Variants in ACOX3 observed in about 807,000 individuals in gnomAD.
ACOX3 encodes the protein acyl-CoA oxidase 3, pristanoyl.
ACOX3 carries 73 observed loss-of-function variants against 81.5 expected under a neutral mutation model. The ratio of observed to expected loss-of-function variants is 0.90; its 90% CI spans 0.74 to 1.09. The LOEUF (loss-of-function observed/expected upper bound fraction) is 1.09. Ranked by LOEUF, ACOX3 falls within the 50% of genes least tolerant of loss-of-function variation. The probability of loss-of-function intolerance (pLI) is 0.00; values close to 1 mark genes in which losing one functional copy is unlikely to be tolerated. For synonymous variants in ACOX3, 387 were observed against 375.1 expected (o/e 1.03, Z -0.37); for missense variants, 947 against 928.0 (o/e 1.02, Z -0.27).
At chr4:8,376,966 G>T (rs1217400145) in intron 14 of ACOX3, among the ~76,000 whole-genome samples, 1 of 152,064 alleles carries the variant, frequency 6.6e-6, no homozygotes, top group African/African-American at 2.4e-5. Context: ...ACAGGCCTGT[G>T]GGGGAGCTGC....
intron 1 of ACOX3, among the ~76,000 whole-genome samples, chr4:8,425,246 C>G (rs988148073): frequency 6.6e-6 from 1 of 152,010 alleles, no homozygotes; most frequent in Admixed American, 6.6e-5. Context: ...GCCAAAAGAG[C>G]CGCAAGGTGG....
chr4:8,357,218 CTAACACGTT>C, the ACOX3 span: 1 of 456,646 alleles, frequency 2.2e-6, no homozygotes, highest in Non-Finnish European at 4.4e-6. Context: ...ACAGTGCACA[CTAACACGTT>C]CCCAGCAGCT....
chr4:8,370,976 C>G lies in ACOX3; in HGVS notation c.1915G>C (p.Ala639Pro). ...LCSQLKDDAV[A>P]LVDVIAPPDF... ...GGAGGAGCGATCACGTCTACCAGGG[C>G]AACTGCATCGTCTTTCAGCTGTTGG... is the stretch of plus-strand genomic sequence containing the variant. Residue 639 changes from alanine to proline, a missense_variant, in exon 17 of 18, where the codon GCC (alanine) becomes CCC (proline). By Grantham distance (27) the Ala-to-Pro change is conservative. Transcript: ENST00000356406. This position sits in a 1 kb window ranked among gnomAD's most constrained non-coding sequence, Gnocchi z 6.3. The G allele has an allele frequency of 6.2e-7, 1 of 1,614,128 alleles. No individual in the cohort carries two copies. The highest frequency in any genetic ancestry group is 8.5e-7 in the Non-Finnish European group (1 of 1,180,022).
In ACOX3 at chr4:8,393,522, TAA is replaced by T. The variant is rs1048560079; in HGVS notation, c.1180-1071_1180-1070del. Among the ~76,000 whole-genome samples, 52 of 145,748 alleles carry T rather than the reference TAA, an allele frequency of 3.6e-4. 1 individual carries two copies. Among genetic ancestry groups the T allele is most frequent in the African/African-American group, 1.4e-3 (52 of 37,690 alleles). On this transcript the variant is annotated intron_variant, in intron 10 of 17. Coordinates refer to ENST00000356406, the MANE Select transcript of ACOX3 (RefSeq NM_003501.3). ...ACAAACAAACAAACAAACAAAAACT[TAA>T]GAGACTGATTCAGAGTAAAAGAAGA...
chr4:8,376,803 G>A (rs1717025540), intron 14 of ACOX3, among the ~76,000 whole-genome samples: 1 of 152,138 alleles, frequency 6.6e-6, no homozygotes. Context: ...AGTGAGGGCT[G>A]GTGGCAGGAT....
Position 8,418,863 on chromosome 4 carries a change from GAAAAC to G in ACOX3, c.-14-2333_-14-2329del, listed in dbSNP as rs971772610. Among the ~76,000 whole-genome samples, 8 of 152,120 alleles carry G rather than the reference GAAAAC, an allele frequency of 5.3e-5. No individual in the cohort carries two copies. The South Asian group carries it at 1.2e-3, about 24-fold the overall frequency. On this transcript the variant is annotated intron_variant, in intron 1 of 17. Coordinates refer to ENST00000356406, the MANE Select transcript of ACOX3 (RefSeq NM_003501.3). ...AACAAGAATGAAACTCGGTCTCAAA[GAAAAC>G]AAAACAAACAAACAACAACAACAAC...
chr4:8,408,912 G>A, intron 6 of ACOX3, among the ~76,000 whole-genome samples: 1 of 98,654 alleles, frequency 1.0e-5, no homozygotes, highest in African/African-American at 3.6e-5. Context: ...GGTGGGGGGG[G>A]GGTGGGGGCG....
chr4:8,392,047 G>C (rs1719052830), intron 11 of ACOX3, among the ~76,000 whole-genome samples: 1 of 152,218 alleles, frequency 6.6e-6, no homozygotes. Flanking sequence ...GCAGGGGTTG[G>C]CAAACTTGTT....
chr4:8,394,408 G>A lies in ACOX3; in HGVS notation c.1179+212C>T, dbSNP rs1719430448. Among the ~76,000 whole-genome samples the A allele has an allele frequency of 6.6e-6, 1 of 152,344 alleles. No individual in the cohort carries two copies. On this transcript the variant is annotated intron_variant, in intron 10 of 17. Coordinates refer to ENST00000356406, the MANE Select transcript of ACOX3 (RefSeq NM_003501.3). This position sits in a 1 kb window ranked among gnomAD's most constrained non-coding sequence, Gnocchi z 5.9. The stretch of plus-strand genomic sequence containing the variant: ...CAGACTGGAACCGGGAGTCGTGTCA[G>A]CACATCCTTGAGAGGCAGGGGTGTG...
intron 1 of ACOX3, among the ~76,000 whole-genome samples, chr4:8,421,903 C>A (rs1032785423): frequency 2.0e-5 from 3 of 152,192 alleles, no homozygotes; most frequent in Admixed American, 6.5e-5. Context: ...TTACCTCCCC[C>A]ACTGCAATAC....
In ACOX3 at chr4:8,370,375, G is replaced by A. The variant is rs929442794; in HGVS notation, c.1983+533C>T. On this transcript the variant is annotated intron_variant, in intron 17 of 17. Transcript: ENST00000356406. This position sits in a 1 kb window ranked among gnomAD's most constrained non-coding sequence, Gnocchi z 6.3. ...GCGGCCTGACCCCATCTGCTATGAA[G>A]GAATCATTATGGAACATGGGGGGCA... is the stretch of plus-strand genomic sequence containing the variant. 4.6e-5 allele frequency among the ~76,000 whole-genome samples: 7 copies of A among 152,172 alleles called. No individual in the cohort carries two copies. The highest frequency in any genetic ancestry group is 1.7e-4 in the African/African-American group (7 of 41,436).
Position 8,431,047 on chromosome 4 carries a change from G to C in ACOX3, c.-15+9601C>G, listed in dbSNP as rs190330374. On this transcript the variant is annotated intron_variant, in intron 1 of 17. Transcript: ENST00000356406. This position sits in a 1 kb window ranked among gnomAD's most constrained non-coding sequence, Gnocchi z 5.3. The stretch of plus-strand genomic sequence containing the variant: ...TAAGGCCATCTTGGTGGAGCTGGAG[G>C]GTGGAGAGGGAGCTGAGTGGCTTTT... 3.0e-4 allele frequency among the ~76,000 whole-genome samples: 46 copies of C among 152,240 alleles called. No homozygotes were observed. The highest frequency in any genetic ancestry group is 5.6e-4 in the Non-Finnish European group (38 of 68,002).
chr4:8,376,348 T>TA (rs61689829), intron 14 of ACOX3, among the ~76,000 whole-genome samples: 64,910 of 148,528 alleles, frequency 0.44, 14,545 homozygotes, highest in African/African-American at 0.54. Flanking sequence ...CTTTTAAAAT[T>TA]AAAAAAAAAA....
At chr4:8,367,834 A>AAAAAG (rs1715658289) in intron 17 of ACOX3, among the ~76,000 whole-genome samples, 1 of 143,328 alleles carries the variant, frequency 7.0e-6, no homozygotes, top group African/African-American at 2.6e-5. Flanking sequence ...AAAAAAAAAA[A>AAAAAG]GCAAAAAATT....
chr4:8,434,544 A>C (rs959645879), intron 1 of ACOX3, among the ~76,000 whole-genome samples: 1 of 152,250 alleles, frequency 6.6e-6, no homozygotes, highest in Non-Finnish European at 1.5e-5. Context: ...GCCCCCGTGG[A>C]ATGCCTCGTC....
chr4:8,375,175 G>A, intron 14 of ACOX3, 23 bp from the exon 15 acceptor site: 1 of 1,511,790 alleles, frequency 6.6e-7, no homozygotes, highest in Non-Finnish European at 8.9e-7. Flanking sequence ...ACGGCACCGT[G>A]AGGACCGTGA....
rs1317152393 is a variant in ACOX3, at chr4:8,437,431, A to G, written c.-15+3217T>C. Among the ~76,000 whole-genome samples the G allele has an allele frequency of 1.3e-5, 2 of 152,214 alleles. No homozygotes were observed. Among genetic ancestry groups the G allele is most frequent in the Non-Finnish European group, 2.9e-5 (2 of 68,038 alleles). ...GAAAGACTCACAGTAAGTGTAAAAA[A>G]GAGAATCAGAAGAAAATGGGAGAGA... is the stretch of plus-strand genomic sequence containing the variant. On this transcript the variant is annotated intron_variant, in intron 1 of 17. Transcript: ENST00000356406. This position sits in a 1 kb window ranked among gnomAD's most constrained non-coding sequence, Gnocchi z 5.2.
At chr4:8,396,328 G>T (rs528925706) in intron 9 of ACOX3, among the ~76,000 whole-genome samples, 1 of 152,156 alleles carries the variant, frequency 6.6e-6, no homozygotes, top group South Asian at 2.1e-4. Context: ...AGCTGTGGCG[G>T]CCTCACCTGA....
chr4:8,421,984 T>C (rs559864814), intron 1 of ACOX3, among the ~76,000 whole-genome samples: 8 of 152,240 alleles, frequency 5.3e-5, no homozygotes, highest in African/African-American at 1.2e-4. Flanking sequence ...ACTGGAACTG[T>C]GTCTACGACA....
Sources: allele counts gnomAD v4.1 joint callset (sites outside exome capture counted in the v4.1 genomes callset), GRCh38; gene constraint gnomAD v4.1.1; non-coding constraint Gnocchi (gnomAD v3.1); transcripts MANE v1.5; gene names NCBI Gene and HGNC (gene_info 2026-07-23, HGNC 2026-07-21).